GALNT13: variants seen among roughly 807,000 people sequenced by gnomAD.
The protein encoded by GALNT13 is UDP-GalNAc:polypeptide N-acetylgalactosaminyltransferase 13.
A neutral mutation model predicts 64.2 loss-of-function variants in GALNT13; 28 were observed. The ratio of observed to expected loss-of-function variants is 0.44; its 90% CI spans 0.32 to 0.60. GALNT13 has a LOEUF of 0.60. Ranked by LOEUF, GALNT13 falls within the 20% of genes least tolerant of loss-of-function variation. GALNT13 has a pLI of 0.05. For missense variants in GALNT13, 577 were observed against 669.8 expected (o/e 0.86, Z 1.53); for synonymous variants, 214 against 224.6 (o/e 0.95, Z 0.42).
the GALNT13 span, among the ~76,000 whole-genome samples, chr2:153,826,424 T>A: frequency 2.1e-3 from 315 of 152,328 alleles, 3 homozygotes; most frequent in African/African-American, 6.7e-3. Flanking sequence ...CATTGTGGAT[T>A]AAGTTTTAAC....
chr2:153,722,274 A>G, the GALNT13 span, among the ~76,000 whole-genome samples: 255 of 147,170 alleles, frequency 1.7e-3, 2 homozygotes, highest in African/African-American at 6.3e-3. Context: ...ACAAAGACAC[A>G]ACATACCAGA....
At chr2:154,307,317 C>T (rs903545167) in intron 9 of GALNT13, among the ~76,000 whole-genome samples, 2 of 152,104 alleles carry the variant, frequency 1.3e-5, no homozygotes, top group African/African-American at 2.4e-5. Flanking sequence ...AACAGAGCAA[C>T]ATAATACAAG....
At chr2:154,297,726 G>A (rs185725473) in intron 8 of GALNT13, among the ~76,000 whole-genome samples, 4 of 152,212 alleles carry the variant, frequency 2.6e-5, no homozygotes, top group Admixed American at 2.6e-4. Context: ...AGCACTACTA[G>A]GATTTAATAA....
At chr2:153,847,676 AGTGGT>A in the GALNT13 span, among the ~76,000 whole-genome samples, 1 of 152,198 alleles carries the variant, frequency 6.6e-6, no homozygotes, top group Non-Finnish European at 1.5e-5. Flanking sequence ...TTTTGAGTTA[AGTGGT>A]AATAAAAATA....
chr2:153,869,668 T>A (rs1347888510), upstream of GALNT13, among the ~76,000 whole-genome samples: 1 of 152,186 alleles, frequency 6.6e-6, no homozygotes, highest in Non-Finnish European at 1.5e-5. Flanking sequence ...TAAGGTGATG[T>A]TTACCAGATT....
At chr2:153,970,840 G>T (rs1693688291) in intron 3 of GALNT13, among the ~76,000 whole-genome samples, 1 of 152,032 alleles carries the variant, frequency 6.6e-6, no homozygotes, top group South Asian at 2.1e-4. Context: ...CATCCTGTTT[G>T]CATTATTATA....
the GALNT13 span, among the ~76,000 whole-genome samples, chr2:153,311,315 C>A: frequency 6.6e-6 from 1 of 151,924 alleles, no homozygotes; most frequent in Admixed American, 6.6e-5. Context: ...ACTTGGAAGA[C>A]GCAAATGGAA....
the GALNT13 span, among the ~76,000 whole-genome samples, chr2:153,346,047 T>A: frequency 6.6e-6 from 1 of 152,082 alleles, no homozygotes; most frequent in African/African-American, 2.4e-5. Context: ...CGATCTCGGC[T>A]CACTGCAACC....
chr2:153,126,338 A>ATT, the GALNT13 span, among the ~76,000 whole-genome samples: 6 of 64,238 alleles, frequency 9.3e-5, no homozygotes, highest in African/African-American at 3.0e-4. Flanking sequence ...ATATATATAT[A>ATT]TATATATATG....
the GALNT13 span, among the ~76,000 whole-genome samples, chr2:153,850,052 A>G: frequency 1.3e-5 from 2 of 148,976 alleles, no homozygotes; most frequent in Admixed American, 6.7e-5. Context: ...GGTGGCGGAC[A>G]CCTGTAGTCC....
chr2:154,072,866 A>T (rs1700802889), intron 3 of GALNT13, among the ~76,000 whole-genome samples: 1 of 152,038 alleles, frequency 6.6e-6, no homozygotes, highest in Non-Finnish European at 1.5e-5. Context: ...GAATAAAATG[A>T]AGTGTAATAA....
intron 3 of GALNT13, among the ~76,000 whole-genome samples, chr2:154,001,365 A>G (rs1346982518): frequency 2.6e-5 from 4 of 151,844 alleles, no homozygotes; most frequent in African/African-American, 7.2e-5. Context: ...GATCCTTACT[A>G]TCTTTGTGGT....
At chr2:154,053,394 T>C (rs1244070861) in intron 3 of GALNT13, among the ~76,000 whole-genome samples, 2 of 152,166 alleles carry the variant, frequency 1.3e-5, no homozygotes, top group East Asian at 3.9e-4. Context: ...TTTTTTTTTC[T>C]TTTTCCTTTT....
At chr2:153,095,983 T>A in the GALNT13 span, among the ~76,000 whole-genome samples, 1 of 152,206 alleles carries the variant, frequency 6.6e-6, no homozygotes, top group South Asian at 2.1e-4. Context: ...CATGTATAGA[T>A]ATGTAACCTG....
chr2:153,482,547 G>A, the GALNT13 span, among the ~76,000 whole-genome samples: 1 of 152,126 alleles, frequency 6.6e-6, no homozygotes, highest in Non-Finnish European at 1.5e-5. Flanking sequence ...TGGGCTCATT[G>A]CAACCTCCGC....
At chr2:153,096,199 T>G in the GALNT13 span, among the ~76,000 whole-genome samples, 1 of 152,300 alleles carries the variant, frequency 6.6e-6, no homozygotes, top group South Asian at 2.1e-4. Flanking sequence ...TATTCTAGTC[T>G]TATTCCACTG....
the GALNT13 span, among the ~76,000 whole-genome samples, chr2:153,842,056 G>C: frequency 6.6e-6 from 1 of 151,458 alleles, no homozygotes; most frequent in South Asian, 2.1e-4. Context: ...GAGAGATTCT[G>C]TTTCCCATAA....
At chr2:153,316,062 G>A in the GALNT13 span, among the ~76,000 whole-genome samples, 3 of 150,804 alleles carry the variant, frequency 2.0e-5, no homozygotes, top group African/African-American at 7.3e-5. Context: ...AGTAATCAGG[G>A]ATATACAAAT....
chr2:153,343,574 A>C, the GALNT13 span, among the ~76,000 whole-genome samples: 1 of 152,184 alleles, frequency 6.6e-6, no homozygotes, highest in East Asian at 1.9e-4. Flanking sequence ...AAAAATACTT[A>C]GAATTCCACA....
Sources: gnomAD v4.1 joint callset for allele counts (sites outside exome capture counted in the v4.1 genomes callset) on GRCh38, gnomAD v4.1.1 for gene constraint, MANE v1.5 for transcripts, NCBI Gene and HGNC (gene_info 2026-07-23, HGNC 2026-07-21) for gene names.